The following TBXAS1 variants were observed in gnomAD, a reference collection of about 807,000 sequenced individuals.
TBXAS1 encodes the protein thromboxane A synthase 1.
TBXAS1 carries 48 observed loss-of-function variants against 60.7 expected under a neutral mutation model. That is an observed-to-expected ratio of 0.79 (90% CI 0.63 to 1.01). The LOEUF is 1.01. Ranked by LOEUF, TBXAS1 falls within the 50% of genes least tolerant of loss-of-function variation. The pLI is 0.00. For missense variants in TBXAS1, 685 were observed against 686.3 expected (o/e 1.00, Z 0.02); for synonymous variants, 287 against 269.7 (o/e 1.06, Z -0.63).
intron 1 of TBXAS1, among the ~76,000 whole-genome samples, chr7:139,834,045 G>A (rs1279064227): frequency 2.0e-5 from 3 of 152,244 alleles, no homozygotes; most frequent in East Asian, 1.9e-4. Flanking sequence ...CTCCAAGATC[G>A]ACCATATGAT....
At chr7:139,781,518 G>A (rs545849485) in intron 2 of TBXAS1, among the ~76,000 whole-genome samples, 10 of 152,270 alleles carry the variant, frequency 6.6e-5, no homozygotes, top group African/African-American at 2.4e-4. Flanking sequence ...GCATGCTATT[G>A]AGAGGCCCAC....
chr7:139,831,680 C>T (rs1798711757), intron 1 of TBXAS1, among the ~76,000 whole-genome samples: 3 of 152,166 alleles, frequency 2.0e-5, no homozygotes, highest in Admixed American at 1.3e-4. Context: ...GCCTATAATC[C>T]CAGCACTTTG....
chr7:139,936,227 G>GT lies in TBXAS1; in HGVS notation c.372dup (p.Leu125SerfsTer5), dbSNP rs769059666. On this transcript the variant is annotated frameshift_variant, in exon 5 of 13. Coordinates refer to ENST00000448866, the MANE Select transcript of TBXAS1 (RefSeq NM_001061.7). LOFTEE classifies it high-confidence loss of function. Reference sequence around the variant, plus strand: ...GGAGTTCAAGTCGGTAGCCGACAGCGTTCTGTTTTTACGTGACAAAAGATG... The same window carrying GT: ...GGAGTTCAAGTCGGTAGCCGACAGCGTTTCTGTTTTTACGTGACAAAAGATG... The GT allele has an allele frequency of 1.9e-6, 3 of 1,614,178 alleles. No individual in the cohort carries two copies. Among genetic ancestry groups the GT allele is most frequent in the Non-Finnish European group, 2.5e-6 (3 of 1,180,030 alleles).
chr7:139,998,570 C>A (rs960780348), intron 9 of TBXAS1, among the ~76,000 whole-genome samples: 2 of 152,146 alleles, frequency 1.3e-5, no homozygotes, highest in South Asian at 2.1e-4. Flanking sequence ...ATAAAATAGA[C>A]AATAAAAGCT....
At chr7:139,921,285 G>A (rs1022524780) in intron 4 of TBXAS1, among the ~76,000 whole-genome samples, 13 of 152,084 alleles carry the variant, frequency 8.5e-5, no homozygotes, top group Non-Finnish European at 2.9e-5. Context: ...ACATCAATTT[G>A]TATAGATTTC....
At chr7:139,982,882 T>C (rs193946) in intron 9 of TBXAS1, among the ~76,000 whole-genome samples, 78,404 of 151,928 alleles carry the variant, frequency 0.52, 20,824 homozygotes, top group Non-Finnish European at 0.58. Context: ...TGCTCATTTG[T>C]GGCCAAACTC....
At chr7:139,868,931 G>C (rs1157303273) in intron 1 of TBXAS1, among the ~76,000 whole-genome samples, 1 of 151,782 alleles carries the variant, frequency 6.6e-6, no homozygotes, top group Non-Finnish European at 1.5e-5. Context: ...GGGATTACAG[G>C]CACGAGCCAC....
chr7:139,908,365 A>G (rs1805266739), intron 3 of TBXAS1, among the ~76,000 whole-genome samples: 1 of 152,084 alleles, frequency 6.6e-6, no homozygotes, highest in Non-Finnish European at 1.5e-5. Context: ...ATTACATTAT[A>G]TTCACCATTA....
At chr7:139,831,768 C>T (rs975420398) in intron 1 of TBXAS1, among the ~76,000 whole-genome samples, 7 of 152,138 alleles carry the variant, frequency 4.6e-5, no homozygotes, top group African/African-American at 1.7e-4. Flanking sequence ...TCCATCTCTA[C>T]TAAAAATACA....
intron 9 of TBXAS1, among the ~76,000 whole-genome samples, chr7:139,977,001 C>T (rs1811611084): frequency 6.6e-6 from 1 of 152,016 alleles, no homozygotes; most frequent in Admixed American, 6.5e-5. Context: ...ACATACAAAA[C>T]AAACAAACAA....
intron 4 of TBXAS1, among the ~76,000 whole-genome samples, chr7:139,788,204 CT>C (rs973464545): frequency 3.6e-4 from 55 of 152,316 alleles, no homozygotes; most frequent in African/African-American, 1.1e-3. Flanking sequence ...ATTTTTCCCC[CT>C]ATCCAAGTTC....
At chr7:139,918,517 G>A (rs1039726337) in intron 4 of TBXAS1, among the ~76,000 whole-genome samples, 2 of 152,164 alleles carry the variant, frequency 1.3e-5, no homozygotes, top group African/African-American at 2.4e-5. Flanking sequence ...ACTCTGCTGA[G>A]ATCTGTTGGA....
At chr7:139,801,908 T>C (rs1035876818) in intron 4 of TBXAS1, among the ~76,000 whole-genome samples, 6 of 152,156 alleles carry the variant, frequency 3.9e-5, no homozygotes, top group Non-Finnish European at 8.8e-5. Flanking sequence ...GGACTACAGA[T>C]GCACGCCACT....
chr7:139,905,005 C>CTCTTTCTCTCTTTCTTTCTTTCTT (rs1554487120), intron 3 of TBXAS1, among the ~76,000 whole-genome samples: 5 of 90,482 alleles, frequency 5.5e-5, no homozygotes, highest in Non-Finnish European at 6.7e-5. Flanking sequence ...CTCTCTTTCT[C>CTCTTTCTCTCTTTCTTTCTTTCTT]TCTTTCTTTC....
chr7:139,778,911 CTG>C lies in TBXAS1; in HGVS notation c.-318+442_-318+443del, dbSNP rs548053062. 2.0e-5 allele frequency among the ~76,000 whole-genome samples: 3 copies of C among 152,176 alleles called. No homozygotes were observed. In the South Asian group the frequency reaches 6.2e-4, roughly 32 times the overall value. ...GACTTGTTGAGTCTCCTCTTAGGCA[CTG>C]TTTTTAAAACTGTGGGTCGTGACAC... On this transcript the variant is annotated intron_variant, in intron 1 of 16. Transcript: ENST00000336425. The surrounding 1 kb of genome is among the most constrained non-coding windows in gnomAD (Gnocchi z 4.8).
intron 10 of TBXAS1, among the ~76,000 whole-genome samples, chr7:140,009,849 A>C (rs1585051824): frequency 1.5e-5 from 1 of 68,040 alleles, no homozygotes; most frequent in Non-Finnish European, 2.9e-5. Context: ...TGCCCGCCCC[A>C]CAGCCGCCCC....
At chr7:140,006,103 C>T (rs1814061742) in intron 9 of TBXAS1, among the ~76,000 whole-genome samples, 2 of 152,214 alleles carry the variant, frequency 1.3e-5, no homozygotes, top group Admixed American at 6.5e-5. Context: ...CGGCCTCCTG[C>T]TGCTCTGGGA....
At chr7:139,951,946 AAAG>A (rs1809379390) in intron 5 of TBXAS1, among the ~76,000 whole-genome samples, 1 of 23,020 alleles carries the variant, frequency 4.3e-5, no homozygotes, top group African/African-American at 1.8e-4. Flanking sequence ...AGAAGGAAAG[AAAG>A]AAAAGAAAGA....
chr7:139,882,322 G>C (rs183774697), intron 3 of TBXAS1, among the ~76,000 whole-genome samples: 110 of 152,284 alleles, frequency 7.2e-4, no homozygotes, highest in African/African-American at 2.5e-3. Flanking sequence ...GGATAGGGTA[G>C]GGTGGAAACT....
Sources: gnomAD v4.1 joint callset for allele counts (sites outside exome capture counted in the v4.1 genomes callset) on GRCh38, gnomAD v4.1.1 for gene constraint, Gnocchi (gnomAD v3.1) non-coding constraint, MANE v1.5 for transcripts, NCBI Gene and HGNC (gene_info 2026-07-23, HGNC 2026-07-21) for gene names.